The following CDK14 variants were observed in gnomAD, a reference collection of about 807,000 sequenced individuals.
CDK14 encodes the protein cyclin dependent kinase 14, also known as cyclin-dependent kinase 14.
In CDK14, 34 loss-of-function variants were observed where a neutral mutation model predicts 60.7. The ratio of observed to expected loss-of-function variants is 0.56; its 90% CI spans 0.43 to 0.75. The LOEUF is 0.75. Among genes scored for constraint, CDK14 ranks in the 30% least tolerant of loss-of-function variants. CDK14 has a pLI of 0.00. For synonymous variants in CDK14, 197 were observed against 203.7 expected, an observed-to-expected ratio of 0.97 and a Z score of 0.28; for missense variants, 482 against 564.1, an observed-to-expected ratio of 0.85 and a Z score of 1.47.
chr7:91,135,805 A>G (rs1258362171), intron 14 of CDK14, among the ~76,000 whole-genome samples: 1 of 152,176 alleles, frequency 6.6e-6, no homozygotes, highest in African/African-American at 2.4e-5. Context: ...TTTGTGTGGT[A>G]AAAGTGACTT....
intron 9 of CDK14, among the ~76,000 whole-genome samples, chr7:90,969,729 A>G (rs1794863098): frequency 6.6e-6 from 1 of 152,214 alleles, no homozygotes; most frequent in African/African-American, 2.4e-5. Flanking sequence ...TCATTGTTCC[A>G]TAATACAAGA....
intron 4 of CDK14, among the ~76,000 whole-genome samples, chr7:90,762,738 C>T (rs1310733439): frequency 2.6e-5 from 4 of 152,116 alleles, no homozygotes; most frequent in Non-Finnish European, 5.9e-5. Flanking sequence ...ATAATCCTAG[C>T]ACTTTGGGAG....
intron 4 of CDK14, among the ~76,000 whole-genome samples, chr7:90,764,701 T>C (rs1210522837): frequency 6.6e-6 from 1 of 152,224 alleles, no homozygotes; most frequent in Non-Finnish European, 1.5e-5. Flanking sequence ...AGCAAATATG[T>C]TTTCCCTTCC....
At position 91,127,053 on chromosome 7, in the gene CDK14, G is replaced by T. The variant is rs17163607; in HGVS notation, c.*28+8845G>T. 9.0e-3 allele frequency among the ~76,000 whole-genome samples: 1,375 copies of T among 152,132 alleles called. 12 individuals are homozygous for T. The highest frequency in any genetic ancestry group is 0.03 in the African/African-American group (1,236 of 41,506). ...GTGCCACCTGGAACAGAAAGCTCTC[G>T]GCTCATTAGCAAGTTACAGGATGCG... On this transcript the variant is annotated intron_variant, in intron 14 of 14. Transcript: ENST00000380050.
At position 90,726,743 on chromosome 7, in the gene CDK14, C is replaced by G; in HGVS notation, c.300C>G (p.Cys100Trp). 6.2e-7 allele frequency: 1 copy of G among 1,613,804 alleles called. No individual in the cohort carries two copies. The highest frequency in any genetic ancestry group is 8.5e-7 in the Non-Finnish European group (1 of 1,179,810). ...VKRVHSENNA[C>W]INFKTSSTGK... ...GGGTGCATTCTGAGAACAATGCTTG[C>G]ATTAACTTTAAGACCTCCTCCACTG... Residue 100 changes from cysteine (C) to tryptophan (W), a missense_variant, in exon 3 of 15, where the codon TGC becomes TGG. Cys to Trp is a radical substitution (Grantham distance 215). Transcript: ENST00000380050.
chr7:90,788,093 A>G (rs3779556), intron 4 of CDK14, among the ~76,000 whole-genome samples: 11,040 of 152,200 alleles, frequency 0.073, 505 homozygotes, highest in South Asian at 0.11. Context: ...TCAGTTCACA[A>G]TACGTGATAT....
intron 9 of CDK14, among the ~76,000 whole-genome samples, chr7:90,970,934 T>A (rs1794904582): frequency 6.6e-6 from 1 of 152,144 alleles, no homozygotes; most frequent in Non-Finnish European, 1.5e-5. Flanking sequence ...TCCCTCATTT[T>A]TTATTATTAT....
At chr7:90,690,529 T>C (rs1223028720) in intron 2 of CDK14, among the ~76,000 whole-genome samples, 2 of 152,228 alleles carry the variant, frequency 1.3e-5, no homozygotes, top group African/African-American at 2.4e-5. Flanking sequence ...TGTGTACTTT[T>C]TGTTTATAAA....
At chr7:90,836,262 G>C (rs879320076) in intron 5 of CDK14, among the ~76,000 whole-genome samples, 1 of 152,050 alleles carries the variant, frequency 6.6e-6, no homozygotes, top group Admixed American at 6.6e-5. Flanking sequence ...TAATAACCCT[G>C]AAGTTAAGAT....
chr7:90,963,711 CTT>C (rs34156393), intron 9 of CDK14, among the ~76,000 whole-genome samples: 2 of 123,088 alleles, frequency 1.6e-5, no homozygotes, highest in Non-Finnish European at 1.7e-5. Context: ...TTTTTCTTTT[CTT>C]TTTTTTTTTT....
chr7:90,735,146 C>A (rs543586164), intron 3 of CDK14, among the ~76,000 whole-genome samples: 2 of 152,280 alleles, frequency 1.3e-5, no homozygotes, highest in South Asian at 4.2e-4. Flanking sequence ...AGAGGCTGCA[C>A]AACAGCAAAG....
chr7:90,686,163 A>G (rs1176566955), intron 2 of CDK14, among the ~76,000 whole-genome samples: 2 of 152,136 alleles, frequency 1.3e-5, no homozygotes, highest in Non-Finnish European at 2.9e-5. Flanking sequence ...ATAGTTCTCA[A>G]TTAACAAATA....
chr7:90,693,739 G>A (rs1801601600), intron 2 of CDK14, among the ~76,000 whole-genome samples: 1 of 152,136 alleles, frequency 6.6e-6, no homozygotes, highest in African/African-American at 2.4e-5. Context: ...GGAAATGGTT[G>A]CTCTGTGTAT....
In CDK14 at chr7:90,770,722, T is replaced by G. The variant is rs140725377; in HGVS notation, c.465-19851T>G. Among the ~76,000 whole-genome samples, 746 of 152,338 alleles carry G rather than the reference T, an allele frequency of 4.9e-3. 3 individuals are homozygous for G. Among genetic ancestry groups the G allele is most frequent in the African/African-American group, 0.016 (674 of 41,558 alleles). ...TGCTGCCTCACTTCTGCAACTTTGT[T>G]CATGATAGACCCCTTCACGCTTAAG... On this transcript the variant is annotated intron_variant, in intron 4 of 14. Transcript: ENST00000380050.
intron 14 of CDK14, among the ~76,000 whole-genome samples, chr7:91,151,820 A>G (rs923830604): frequency 6.6e-6 from 1 of 152,186 alleles, no homozygotes; most frequent in African/African-American, 2.4e-5. Flanking sequence ...ACTAAGATGG[A>G]GAAAGGAGTC....
At chr7:90,861,987 T>C (rs1791025151) in intron 5 of CDK14, among the ~76,000 whole-genome samples, 1 of 152,198 alleles carries the variant, frequency 6.6e-6, no homozygotes, top group African/African-American at 2.4e-5. Flanking sequence ...TGCTTTTTGG[T>C]GTATGAAACA....
intron 4 of CDK14, among the ~76,000 whole-genome samples, chr7:90,765,433 G>A (rs1186876045): frequency 6.6e-6 from 1 of 152,126 alleles, no homozygotes; most frequent in Non-Finnish European, 1.5e-5. Flanking sequence ...GCTGGGCAAA[G>A]AGAGAAGTGA....
At chr7:90,948,675 A>T (rs1794168431) in intron 8 of CDK14, among the ~76,000 whole-genome samples, 1 of 152,246 alleles carries the variant, frequency 6.6e-6, no homozygotes, top group South Asian at 2.1e-4. Context: ...GAATGGATGT[A>T]GCTGTTTTCC....
chr7:90,680,990 A>G (rs1801302731), intron 2 of CDK14, among the ~76,000 whole-genome samples: 1 of 152,224 alleles, frequency 6.6e-6, no homozygotes, highest in African/African-American at 2.4e-5. Flanking sequence ...GGATTCTGTA[A>G]AGAGACAGAT....
Sources: gnomAD v4.1 joint callset for allele counts (sites outside exome capture counted in the v4.1 genomes callset) on GRCh38, gnomAD v4.1.1 for gene constraint, MANE v1.5 for transcripts, NCBI Gene and HGNC (gene_info 2026-07-23, HGNC 2026-07-21) for gene names.